ZNF804B: variants seen among roughly 807,000 people sequenced by gnomAD.
The protein encoded by ZNF804B is zinc finger 804B.
In ZNF804B, 80 loss-of-function variants were observed where a neutral mutation model predicts 101.4. The ratio of observed to expected loss-of-function variants is 0.79; its 90% CI spans 0.66 to 0.95. The LOEUF is 0.95. ZNF804B is among the 40% of genes least tolerant of loss of function. The pLI is 0.00. For synonymous variants in ZNF804B, 622 were observed against 558.8 expected (o/e 1.11, Z -1.59); for missense variants, 1,673 against 1,561.9 (o/e 1.07, Z -1.20).
intron 3 of ZNF804B, among the ~76,000 whole-genome samples, chr7:89,331,340 C>T (rs534643900): frequency 2.2e-4 from 33 of 151,804 alleles, no homozygotes; most frequent in Non-Finnish European, 3.5e-4. Flanking sequence ...AAAGTCTCTA[C>T]GCTCCTTATT....
intron 1 of ZNF804B, among the ~76,000 whole-genome samples, chr7:88,787,066 G>T (rs2115673993): frequency 6.6e-6 from 1 of 152,146 alleles, no homozygotes; most frequent in South Asian, 2.1e-4. Flanking sequence ...TGATTGCTAA[G>T]CAGAATTTTG....
chr7:89,226,342 T>C (rs964340731), intron 2 of ZNF804B, among the ~76,000 whole-genome samples: 1 of 151,932 alleles, frequency 6.6e-6, no homozygotes, highest in Non-Finnish European at 1.5e-5. Context: ...CTAGAAACAA[T>C]CTAAACATAC....
At chr7:89,118,072 T>C (rs1583996826) in intron 1 of ZNF804B, among the ~76,000 whole-genome samples, 1 of 152,272 alleles carries the variant, frequency 6.6e-6, no homozygotes, top group South Asian at 2.1e-4. Flanking sequence ...CAGCTAATCT[T>C]AGACCAGAAA....
intron 1 of ZNF804B, among the ~76,000 whole-genome samples, chr7:88,970,125 A>AT (rs1359489727): frequency 2.0e-5 from 3 of 150,970 alleles, no homozygotes; most frequent in East Asian, 3.9e-4. Context: ...CAAAGCAGTA[A>AT]TTGTGCAAAG....
intron 1 of ZNF804B, among the ~76,000 whole-genome samples, chr7:88,960,415 G>C (rs1793372209): frequency 6.6e-6 from 1 of 151,260 alleles, no homozygotes; most frequent in South Asian, 2.1e-4. Flanking sequence ...TGTATGTGCG[G>C]GAGTGGGGGA....
chr7:88,879,149 A>G (rs1242066358), intron 1 of ZNF804B, among the ~76,000 whole-genome samples: 1 of 152,190 alleles, frequency 6.6e-6, no homozygotes, highest in Non-Finnish European at 1.5e-5. Flanking sequence ...TTGTAGATTG[A>G]ATGTTAGCGT....
intron 1 of ZNF804B, among the ~76,000 whole-genome samples, chr7:88,975,759 A>G (rs557021199): frequency 6.6e-6 from 1 of 151,732 alleles, no homozygotes; most frequent in East Asian, 1.9e-4. Context: ...TTTGCTCTGC[A>G]GAAGCTTTTT....
At position 88,817,996 on chromosome 7, in the gene ZNF804B, G is replaced by A. The variant is rs547551096; in HGVS notation, c.108+57912G>A. Among the ~76,000 whole-genome samples, 11 of 152,188 alleles carry A rather than the reference G, an allele frequency of 7.2e-5. No individual in the cohort carries two copies. In the South Asian group the frequency reaches 2.3e-3, roughly 32 times the overall value. On this transcript the variant is annotated intron_variant, in intron 1 of 3. Coordinates refer to ENST00000333190, the MANE Select transcript of ZNF804B (RefSeq NM_181646.5). ...CTGGACAGATAATTTTGTGAGATGA[G>A]GCCTGTAAAGTGCTTGGCATTGTGC...
intron 1 of ZNF804B, among the ~76,000 whole-genome samples, chr7:88,953,832 T>G (rs1473053079): frequency 6.6e-6 from 1 of 151,828 alleles, no homozygotes; most frequent in African/African-American, 2.4e-5. Flanking sequence ...TGTTTAATAC[T>G]ACACATAATT....
intron 1 of ZNF804B, among the ~76,000 whole-genome samples, chr7:88,916,120 A>T (rs1032797793): frequency 3.9e-5 from 6 of 152,102 alleles, no homozygotes; most frequent in African/African-American, 1.2e-4. Context: ...TGTTGGTTTC[A>T]AAGGCTCTTT....
At chr7:89,320,019 A>G (rs921260693) in intron 2 of ZNF804B, among the ~76,000 whole-genome samples, 3 of 151,230 alleles carry the variant, frequency 2.0e-5, no homozygotes, top group African/African-American at 7.3e-5. Context: ...ATCAAGAGGT[A>G]TAATAGTCAA....
chr7:89,264,693 A>T (rs997297349), intron 2 of ZNF804B, among the ~76,000 whole-genome samples: 1 of 152,118 alleles, frequency 6.6e-6, no homozygotes, highest in South Asian at 2.1e-4. Flanking sequence ...TCTCAAGGTG[A>T]CCACATTCAT....
In ZNF804B at chr7:89,214,641, T is replaced by G. The variant is rs112912750; in HGVS notation, c.109-3514T>G. 2.6e-3 allele frequency among the ~76,000 whole-genome samples: 392 copies of G among 152,286 alleles called. 3 individuals carry two copies. Among genetic ancestry groups the G allele is most frequent in the African/African-American group, 9.1e-3 (379 of 41,576 alleles). ...TATATAATGCTATGTGAGAGAGACA[T>G]TAACTTCTAATTATTCTTAAGTAGT... On this transcript the variant is annotated intron_variant, in intron 1 of 3. Transcript: ENST00000333190.
chr7:89,222,061 G>A (rs1200748119), intron 2 of ZNF804B, among the ~76,000 whole-genome samples: 1 of 151,956 alleles, frequency 6.6e-6, no homozygotes, highest in Non-Finnish European at 1.5e-5. Flanking sequence ...AGATAAATGA[G>A]CTGGATTTCT....
At chr7:89,319,454 C>A (rs1790785127) in intron 2 of ZNF804B, among the ~76,000 whole-genome samples, 1 of 152,132 alleles carries the variant, frequency 6.6e-6, no homozygotes, top group South Asian at 2.1e-4. Context: ...CTGAAAACCC[C>A]TCCCATACAT....
intron 1 of ZNF804B, among the ~76,000 whole-genome samples, chr7:88,824,852 A>G (rs927312652): frequency 6.6e-6 from 1 of 152,190 alleles, no homozygotes; most frequent in Non-Finnish European, 1.5e-5. Flanking sequence ...AAGACTTACA[A>G]TCAGTAGTAA....
intron 1 of ZNF804B, among the ~76,000 whole-genome samples, chr7:89,189,024 T>C (rs1008282977): frequency 2.0e-5 from 3 of 152,158 alleles, no homozygotes; most frequent in Non-Finnish European, 4.4e-5. Context: ...TGGAAGAAGA[T>C]ACCATATACA....
chr7:89,024,051 G>T (rs1788708653), intron 1 of ZNF804B, among the ~76,000 whole-genome samples: 1 of 152,150 alleles, frequency 6.6e-6, no homozygotes, highest in Non-Finnish European at 1.5e-5. Context: ...ATTTCTTAAT[G>T]CTTCACATTT....
At chr7:88,764,408 G>T (rs1341317330) in intron 1 of ZNF804B, among the ~76,000 whole-genome samples, 1 of 152,114 alleles carries the variant, frequency 6.6e-6, no homozygotes, top group Non-Finnish European at 1.5e-5. Flanking sequence ...TTTGGGGATT[G>T]TCATCAAAGT....
Sources: gnomAD v4.1 joint callset for allele counts (sites outside exome capture counted in the v4.1 genomes callset) on GRCh38, gnomAD v4.1.1 for gene constraint, MANE v1.5 for transcripts, NCBI Gene and HGNC (gene_info 2026-07-23, HGNC 2026-07-21) for gene names.